The following GPR27 variants were observed in gnomAD, a reference collection of about 807,000 sequenced individuals.
GPR27 encodes the protein G protein-coupled receptor 27.
A neutral mutation model predicts 2.4 loss-of-function variants in GPR27; 3 were observed. That is an observed-to-expected ratio of 1.23 (90% confidence interval 0.56 to 3.18). The LOEUF (loss-of-function observed/expected upper bound fraction) is 3.18. GPR27 is among the 30% of genes most tolerant of loss of function. GPR27 has a pLI of 0.03. For synonymous variants in GPR27, 367 were observed against 296.4 expected, an observed-to-expected ratio of 1.24 and a Z score of -2.45; for missense variants, 526 against 566.1, an observed-to-expected ratio of 0.93 and a Z score of 0.72.
Position 71,754,488 on chromosome 3 carries a change from G to T in GPR27, c.439G>T (p.Ala147Ser), listed in dbSNP as rs1303682924. 1 of 1,295,328 alleles carries T rather than the reference G, an allele frequency of 7.7e-7. No individual in the cohort carries two copies. Among genetic ancestry groups the T allele is most frequent in the Non-Finnish European group, 9.8e-7 (1 of 1,021,736 alleles). The allele number at this position is 1,295,328 out of a possible 1,614,324, so 80.2% of individuals were successfully genotyped here. A position where few individuals can be genotyped will look rare whatever the true frequency, so the allele number is the denominator to read the frequency against. ...WPCAAMLVCA[A>S]WALALAAAFP... is the part of the protein sequence containing the mutation. The stretch of plus-strand genomic sequence containing the variant: ...GTGCGCCGCCATGCTGGTGTGCGCC[G>T]CCTGGGCGCTGGCGCTGGCCGCGGC... The change falls in exon 1 of 1, where the codon GCC becomes TCC. Residue 147 changes from alanine (A) to serine (S), a missense_variant. Around this residue, in one of 3 missense-constraint regions of GPR27, gnomAD observed 312 missense variants for 318.4 expected, o/e 0.98. Transcript: ENST00000304411. This position sits in a 1 kb window ranked among gnomAD's most constrained non-coding sequence, Gnocchi z 5.8.
rs1437199284 is a variant in GPR27 at position 71,754,429 on chromosome 3, A to G, written c.380A>G (p.His127Arg). Residue 127 changes from histidine to arginine, a missense_variant, in exon 1 of 1, where the codon CAC (histidine) becomes CGC (arginine). By Grantham distance (29) the His-to-Arg change is conservative. Coordinates refer to ENST00000304411, the MANE Select transcript of GPR27 (RefSeq NM_018971.3). This position sits in a 1 kb window ranked among gnomAD's most constrained non-coding sequence, Gnocchi z 5.8. ...ACCCGCTACCTGGCCATCGCGCACC[A>G]CCGCTTCTATGCAGAGCGCCTGGCC... ...GVTRYLAIAH[H>R]RFYAERLAGW... The G allele has an allele frequency of 7.4e-7, 1 of 1,357,502 alleles. No individual in the cohort carries two copies. The highest frequency in any genetic ancestry group is 1.6e-5 in the South Asian group (1 of 60,718). The allele number at this position is 1,357,502 out of a possible 1,614,324, so 84.1% of individuals were successfully genotyped here.
rs745750974 is a variant in GPR27 at position 71,755,011 on chromosome 3, C to G, written c.962C>G (p.Thr321Arg). The change falls in exon 1 of 1, where the codon ACG (threonine) becomes AGG (arginine). Residue 321 changes from threonine to arginine, a missense_variant. By Grantham distance (71) the Thr-to-Arg change is moderately conservative. Transcript: ENST00000304411. ...RPGAVPQAYL[T>R]ASVWLTFAQA... The stretch of plus-strand genomic sequence containing the variant: ...GGCGCCGTCCCCCAGGCCTACCTGA[C>G]GGCCTCCGTGTGGCTGACCTTCGCG... 6.2e-7 allele frequency: 1 copy of G among 1,613,110 alleles called. No individual in the cohort carries two copies. Among genetic ancestry groups the G allele is most frequent in the Non-Finnish European group, 8.5e-7 (1 of 1,179,960 alleles).
chr3:71,754,360 T>G lies in GPR27; in HGVS notation c.311T>G (p.Leu104Arg). ...GCKLLAFLAA[L>R]FCFHAAFLLL... The stretch of plus-strand genomic sequence containing the variant: ...AAGCTGCTCGCCTTCCTGGCCGCGC[T>G]CTTCTGCTTCCACGCCGCCTTCCTG... The change falls in exon 1 of 1, where the codon CTC becomes CGC. Residue 104 changes from leucine to arginine, a missense_variant. Leu to Arg is a moderately radical substitution (Grantham distance 102). Transcript: ENST00000304411. The surrounding 1 kb of genome is among the most constrained non-coding windows in gnomAD (Gnocchi z 5.8). 2 of 1,316,176 alleles carry G rather than the reference T, an allele frequency of 1.5e-6. No homozygotes were observed. Among genetic ancestry groups the G allele is most frequent in the Non-Finnish European group, 2.0e-6 (2 of 1,023,018 alleles). 81.5% of individuals were successfully genotyped at this position (1,316,176 alleles called of 1,614,324 possible).
At position 71,755,200 on chromosome 3, in the gene GPR27, C is replaced by T. The variant is rs1291729490; in HGVS notation, c.*23C>T. The T allele has an allele frequency of 3.3e-6, 5 of 1,536,254 alleles. No individual in the cohort carries two copies. The Admixed American group carries it at 5.6e-5, about 17-fold the overall frequency. On this transcript the variant is annotated 3_prime_UTR_variant, in exon 1 of 1. Coordinates refer to ENST00000304411, the MANE Select transcript of GPR27 (RefSeq NM_018971.3). ...TGAGGGAGGCCCCGCCACATAGACC[C>T]CCAACCCAGCCTTTCCCTTTGGCTC...
Position 71,754,746 on chromosome 3 carries a change from G to A in GPR27, c.697G>A (p.Gly233Ser). ...VSHDWTFHGP[G>S]ATGQAAANWT... is the part of the protein sequence containing the mutation. ...CCACGACTGGACCTTCCACGGCCCG[G>A]GCGCCACCGGCCAGGCGGCCGCCAA... Residue 233 changes from glycine to serine, a missense_variant, in exon 1 of 1, where the codon GGC becomes AGC. Gly to Ser is a moderately conservative substitution (Grantham distance 56). Around this residue, in one of 3 missense-constraint regions of GPR27, gnomAD observed 98 missense variants for 146.7 expected, o/e 0.67. Transcript: ENST00000304411. This position sits in a 1 kb window ranked among gnomAD's most constrained non-coding sequence, Gnocchi z 5.8. The A allele has an allele frequency of 7.2e-7, 1 of 1,384,984 alleles. No individual in the cohort carries two copies. Among genetic ancestry groups the A allele is most frequent in the Non-Finnish European group, 9.4e-7 (1 of 1,062,118 alleles). 85.8% of individuals were successfully genotyped at this position (1,384,984 alleles called of 1,614,324 possible).
chr3:71,754,296 G>C lies in GPR27; in HGVS notation c.247G>C (p.Ala83Pro). 1 of 1,148,742 alleles carries C rather than the reference G, an allele frequency of 8.7e-7. No individual in the cohort carries two copies. The highest frequency in any genetic ancestry group is 1.1e-6 in the Non-Finnish European group (1 of 936,666). 71.2% of individuals were successfully genotyped at this position (1,148,742 alleles called of 1,614,324 possible). The stretch of plus-strand genomic sequence containing the variant: ...CGTCATGCTGGCGGCGCGGCGTGCG[G>C]CGGCCGCGGCGGGGGCGCCGCCGGG... The part of the protein sequence containing the change: ...PAVMLAARRA[A>P]AAAGAPPGAL... The change falls in exon 1 of 1, where the codon GCG becomes CCG. Residue 83 changes from alanine (A) to proline (P), a missense_variant. Physicochemically the swap from Ala to Pro is conservative, Grantham distance 27. Coordinates refer to ENST00000304411, the MANE Select transcript of GPR27 (RefSeq NM_018971.3). The surrounding 1 kb of genome is among the most constrained non-coding windows in gnomAD (Gnocchi z 5.8).
In GPR27 at chr3:71,755,802, T is replaced by G. The variant is rs1408618598; in HGVS notation, c.*625T>G. ...GAGATGGAGATCAGTAGCAAGGCAG[T>G]CATTTTTTTAAAGCAGTAAGTAACA... On this transcript the variant is annotated 3_prime_UTR_variant, in exon 1 of 1. Coordinates refer to ENST00000304411, the MANE Select transcript of GPR27 (RefSeq NM_018971.3). 2 of 152,228 alleles carry G rather than the reference T, an allele frequency of 1.3e-5. No homozygotes were observed. Among genetic ancestry groups the G allele is most frequent in the African/African-American group, 4.8e-5 (2 of 41,448 alleles). The allele number at this position is 152,228 out of a possible 1,614,324, so 9.4% of individuals were successfully genotyped here.
Position 71,754,459 on chromosome 3 carries a change from G to A in GPR27, c.410G>A (p.Trp137Ter). 1 of 1,335,832 alleles carries A rather than the reference G, an allele frequency of 7.5e-7. No individual in the cohort carries two copies. Among genetic ancestry groups the A allele is most frequent in the Non-Finnish European group, 9.6e-7 (1 of 1,037,384 alleles). 82.7% of individuals were successfully genotyped at this position (1,335,832 alleles called of 1,614,324 possible). The stretch of plus-strand genomic sequence containing the variant: ...TTCTATGCAGAGCGCCTGGCCGGCT[G>A]GCCGTGCGCCGCCATGCTGGTGTGC... ...HRFYAERLAG[W>*]PCAAMLVCAA... The change falls in exon 1 of 1, where the codon TGG becomes TAG. Residue 137 changes from tryptophan (W) to a stop codon, truncating the protein, a stop_gained. Transcript: ENST00000304411. LOFTEE classifies it low-confidence loss of function (END_TRUNC). This position sits in a 1 kb window ranked among gnomAD's most constrained non-coding sequence, Gnocchi z 5.8.
rs1278022172 is a variant in GPR27, at chr3:71,754,571, G to A, written c.522G>A (p.Glu174=). The change falls in exon 1 of 1, where the codon GAG becomes GAA. Residue 174 remains glutamate, a synonymous_variant. Coordinates refer to ENST00000304411, the MANE Select transcript of GPR27 (RefSeq NM_018971.3). The surrounding 1 kb of genome is among the most constrained non-coding windows in gnomAD (Gnocchi z 5.8). The stretch of plus-strand genomic sequence containing the variant: ...ACGAGGACGCGCCGTGCGCCCTGGA[G>A]CAGCGGCCCGACGGCGCCCCCGGCG... ...GDDEDAPCAL[E]QRPDGAPGAL... 22 of 1,400,090 alleles carry A rather than the reference G, an allele frequency of 1.6e-5. No individual in the cohort carries two copies. In the East Asian group the frequency reaches 2.6e-4, roughly 16 times the overall value. The allele number at this position is 1,400,090 out of a possible 1,614,324, so 86.7% of individuals were successfully genotyped here. A position where few individuals can be genotyped will look rare whatever the true frequency, so the allele number is the denominator to read the frequency against.
rs755310150 is a variant in GPR27 at position 71,754,355 on chromosome 3, C to A, written c.306C>A (p.Ala102=). 7.6e-7 allele frequency: 1 copy of A among 1,314,082 alleles called. No homozygotes were observed. Among genetic ancestry groups the A allele is most frequent in the Admixed American group, 2.7e-5 (1 of 37,214 alleles). The allele number at this position is 1,314,082 out of a possible 1,614,324, so 81.4% of individuals were successfully genotyped here. Residue 102 remains alanine (A), a synonymous_variant, in exon 1 of 1, where the codon GCC becomes GCA. Coordinates refer to ENST00000304411, the MANE Select transcript of GPR27 (RefSeq NM_018971.3). This position sits in a 1 kb window ranked among gnomAD's most constrained non-coding sequence, Gnocchi z 5.8. ...ALGCKLLAFL[A]ALFCFHAAFL... is the part of the protein sequence containing the mutation. Reference sequence around the variant, plus strand: ...GCTGCAAGCTGCTCGCCTTCCTGGCCGCGCTCTTCTGCTTCCACGCCGCCT... The same window carrying A: ...GCTGCAAGCTGCTCGCCTTCCTGGCAGCGCTCTTCTGCTTCCACGCCGCCT...
At position 71,754,024 on chromosome 3, in the gene GPR27, G is replaced by T. The variant is rs1251941425; in HGVS notation, c.-26G>T. On this transcript the variant is annotated 5_prime_UTR_variant, in exon 1 of 1. Coordinates refer to ENST00000304411, the MANE Select transcript of GPR27 (RefSeq NM_018971.3). The surrounding 1 kb of genome is among the most constrained non-coding windows in gnomAD (Gnocchi z 5.8). Reference sequence around the variant, plus strand: ...GCGAGGCAGGGGACGGCCCCGGGGCGGAGCGCACGGCCTGGTGAGGCCGCG... The same window carrying T: ...GCGAGGCAGGGGACGGCCCCGGGGCTGAGCGCACGGCCTGGTGAGGCCGCG... The T allele has an allele frequency of 1.3e-5, 15 of 1,144,762 alleles. No homozygotes were observed. Among genetic ancestry groups the T allele is most frequent in the Non-Finnish European group, 1.6e-5 (15 of 931,362 alleles). The allele number at this position is 1,144,762 out of a possible 1,614,324, so 70.9% of individuals were successfully genotyped here.
At position 71,755,104 on chromosome 3, in the gene GPR27, A is replaced by T; in HGVS notation, c.1055A>T (p.Gln352Leu). The change falls in exon 1 of 1, where the codon CAG becomes CTG. Residue 352 changes from glutamine to leucine, a missense_variant. Coordinates refer to ENST00000304411, the MANE Select transcript of GPR27 (RefSeq NM_018971.3). ...NRELRDCFRA[Q>L]FPCCQSPRTT... is the part of the protein sequence containing the mutation. ...GAGCTGAGGGACTGCTTCAGGGCCCAGTTCCCCTGCTGCCAGAGCCCCCGG... is the reference window on the plus strand; with the variant it reads ...GAGCTGAGGGACTGCTTCAGGGCCCTGTTCCCCTGCTGCCAGAGCCCCCGG... 6.2e-7 allele frequency: 1 copy of T among 1,610,384 alleles called. No homozygotes were observed. Among genetic ancestry groups the T allele is most frequent in the Non-Finnish European group, 8.5e-7 (1 of 1,179,894 alleles).
rs762692004 is a variant in GPR27 at position 71,754,271 on chromosome 3, C to G, written c.222C>G (p.Ala74=). The G allele has an allele frequency of 5.6e-5, 68 of 1,209,246 alleles. No individual in the cohort carries two copies. The highest frequency in any genetic ancestry group is 6.8e-5 in the Non-Finnish European group (66 of 967,474). 74.9% of individuals were successfully genotyped at this position (1,209,246 alleles called of 1,614,324 possible). The part of the protein sequence containing the change: ...DGLRALACLP[A]VMLAARRAAA... ...TGCGCGCGCTCGCCTGCCTCCCGGCCGTCATGCTGGCGGCGCGGCGTGCGG... is the reference window on the plus strand; with the variant it reads ...TGCGCGCGCTCGCCTGCCTCCCGGCGGTCATGCTGGCGGCGCGGCGTGCGG... The change falls in exon 1 of 1, where the codon GCC becomes GCG. Residue 74 remains alanine, a synonymous_variant. Transcript: ENST00000304411. The surrounding 1 kb of genome is among the most constrained non-coding windows in gnomAD (Gnocchi z 5.8).
Position 71,754,032 on chromosome 3 carries a change from C to A in GPR27, c.-18C>A. ...GGGGACGGCCCCGGGGCGGAGCGCACGGCCTGGTGAGGCCGCGATGGCGAA... is the reference window on the plus strand; with the variant it reads ...GGGGACGGCCCCGGGGCGGAGCGCAAGGCCTGGTGAGGCCGCGATGGCGAA... On this transcript the variant is annotated 5_prime_UTR_variant, in exon 1 of 1. Coordinates refer to ENST00000304411, the MANE Select transcript of GPR27 (RefSeq NM_018971.3). This position sits in a 1 kb window ranked among gnomAD's most constrained non-coding sequence, Gnocchi z 5.8. 1 of 1,175,238 alleles carries A rather than the reference C, an allele frequency of 8.5e-7. No individual in the cohort carries two copies. Among genetic ancestry groups the A allele is most frequent in the Non-Finnish European group, 1.1e-6 (1 of 947,828 alleles). 72.8% of individuals were successfully genotyped at this position (1,175,238 alleles called of 1,614,324 possible).
Position 71,756,056 on chromosome 3 carries a change from C to T in GPR27, c.*879C>T, listed in dbSNP as rs1018613278. The T allele has an allele frequency of 2.6e-5, 4 of 152,110 alleles. No individual in the cohort carries two copies. The highest frequency in any genetic ancestry group is 9.7e-5 in the African/African-American group (4 of 41,402). 9.4% of individuals were successfully genotyped at this position (152,110 alleles called of 1,614,324 possible). Reference sequence around the variant, plus strand: ...GAGGGCTCTGAGAAGCAGAGTACTACATCAAAATTGTTTTAAGTATTTTTT... The same window carrying T: ...GAGGGCTCTGAGAAGCAGAGTACTATATCAAAATTGTTTTAAGTATTTTTT... On this transcript the variant is annotated 3_prime_UTR_variant, in exon 1 of 1. Transcript: ENST00000304411.
Position 71,754,934 on chromosome 3 carries a change from C to T in GPR27, c.885C>T (p.Leu295=), listed in dbSNP as rs149967896. The change falls in exon 1 of 1, where the codon CTC becomes CTT. Residue 295 remains leucine, a synonymous_variant. Coordinates refer to ENST00000304411, the MANE Select transcript of GPR27 (RefSeq NM_018971.3). This position sits in a 1 kb window ranked among gnomAD's most constrained non-coding sequence, Gnocchi z 5.8. ...MFYAVTLLFL[L]LWGPYVVASY... Reference sequence around the variant, plus strand: ...ACGCCGTCACGCTGCTCTTCCTGCTCCTCTGGGGGCCCTACGTCGTGGCCA... The same window carrying T: ...ACGCCGTCACGCTGCTCTTCCTGCTTCTCTGGGGGCCCTACGTCGTGGCCA... 3 of 1,613,514 alleles carry T rather than the reference C, an allele frequency of 1.9e-6. No homozygotes were observed. In the African/African-American group the frequency reaches 4.0e-5, roughly 22 times the overall value.
In GPR27 at chr3:71,753,918, G is replaced by T. The variant is rs1287642802; in HGVS notation, c.-132G>T. ...GGAGCCCAGGAGGGGCCGGCCGGGA[G>T]CGGGCTGAGCCCCGCAGGACGGGGA... On this transcript the variant is annotated 5_prime_UTR_variant, in exon 1 of 1. Transcript: ENST00000304411. 3.0e-6 allele frequency: 3 copies of T among 984,774 alleles called. No homozygotes were observed. Among genetic ancestry groups the T allele is most frequent in the Non-Finnish European group, 3.6e-6 (3 of 824,982 alleles). The allele number at this position is 984,774 out of a possible 1,614,324, so 61.0% of individuals were successfully genotyped here.
chr3:71,754,836 C>G lies in GPR27; in HGVS notation c.787C>G (p.Pro263Ala), dbSNP rs758789466. Residue 263 changes from proline to alanine, a missense_variant, in exon 1 of 1, where the codon CCG becomes GCG. Around this residue, in one of 3 missense-constraint regions of GPR27, gnomAD observed 98 missense variants for 146.7 expected, o/e 0.67. Coordinates refer to ENST00000304411, the MANE Select transcript of GPR27 (RefSeq NM_018971.3). The surrounding 1 kb of genome is among the most constrained non-coding windows in gnomAD (Gnocchi z 5.8). ...GCTTGTGGGCATCCGGCCCGCAGGG[C>G]CGGGCCGCGGCGCGCGCCGCCTCCT... ...PALVGIRPAG[P>A]GRGARRLLVL... The G allele has an allele frequency of 1.3e-5, 20 of 1,582,370 alleles. No homozygotes were observed. The Admixed American group carries it at 3.6e-4, about 28-fold the overall frequency.
Position 71,754,795 on chromosome 3 carries a change from G to C in GPR27, c.746G>C (p.Gly249Ala). ...AANWTAGFGR[G>A]PTPPALVGIR... ...AACTGGACGGCGGGCTTCGGCCGCG[G>C]GCCCACGCCGCCCGCGCTTGTGGGC... is the stretch of plus-strand genomic sequence containing the variant. Residue 249 changes from glycine to alanine, a missense_variant, in exon 1 of 1, where the codon GGG (glycine) becomes GCG (alanine). By Grantham distance (60) the Gly-to-Ala change is moderately conservative (BLOSUM62 0). Coordinates refer to ENST00000304411, the MANE Select transcript of GPR27 (RefSeq NM_018971.3). The surrounding 1 kb of genome is among the most constrained non-coding windows in gnomAD (Gnocchi z 5.8). 1 of 1,345,330 alleles carries C rather than the reference G, an allele frequency of 7.4e-7. No individual in the cohort carries two copies. The highest frequency in any genetic ancestry group is 9.5e-7 in the Non-Finnish European group (1 of 1,049,656). 83.3% of individuals were successfully genotyped at this position (1,345,330 alleles called of 1,614,324 possible).
Sources: allele counts gnomAD v4.1 joint callset, GRCh38; gene constraint gnomAD v4.1.1; regional missense constraint gnomAD v4.1.1; non-coding constraint Gnocchi (gnomAD v3.1); transcripts MANE v1.5; gene names NCBI Gene and HGNC (gene_info 2026-07-23, HGNC 2026-07-21).